SWT1: variants seen among roughly 807,000 people sequenced by gnomAD.
SWT1 encodes transcriptional protein SWT1.
Under a neutral mutation model 107.3 loss-of-function variants are expected in SWT1, and 33 were observed. The ratio of observed to expected loss-of-function variants is 0.31; its 90% CI spans 0.23 to 0.41. The LOEUF (loss-of-function observed/expected upper bound fraction) is 0.41, where lower values mean the gene tolerates loss of function less well. SWT1 is among the 10% of genes least tolerant of loss of function. The pLI, the probability that SWT1 is intolerant of heterozygous loss-of-function variation, is 1.00. For synonymous variants in SWT1, 345 were observed against 348.3 expected (o/e 0.99, Z 0.11); for missense variants, 898 against 1,028.9 (o/e 0.87, Z 1.74).
At position 185,174,911 on chromosome 1, in the gene SWT1, T is replaced by C; in HGVS notation, c.764T>C (p.Ile255Thr). 1 of 1,613,948 alleles carries C rather than the reference T, an allele frequency of 6.2e-7. No individual in the cohort carries two copies. The highest frequency in any genetic ancestry group is 8.5e-7 in the Non-Finnish European group (1 of 1,179,964). The change falls in exon 5 of 19, where the codon ATA (isoleucine) becomes ACA (threonine). Residue 255 changes from isoleucine to threonine, a missense_variant. Coordinates refer to ENST00000367500, the MANE Select transcript of SWT1 (RefSeq NM_017673.7). ...QKLVEENVFN[I>T]DSNNSKTKQE... is the part of the protein sequence containing the mutation. ...CTTGTAGAAGAAAATGTCTTCAACA[T>C]AGATTCTAATAATTCGAAGACTAAG...
intron 4 of SWT1, among the ~76,000 whole-genome samples, chr1:185,173,020 G>A (rs57188163): frequency 0.43 from 62,271 of 145,016 alleles, 14,747 homozygotes; most frequent in African/African-American, 0.65. Flanking sequence ...GTCCAGCCTG[G>A]CGACAAAGCG....
At chr1:185,253,829 G>T (rs1034480495) in intron 16 of SWT1, among the ~76,000 whole-genome samples, 1 of 151,488 alleles carries the variant, frequency 6.6e-6, no homozygotes, top group Admixed American at 6.6e-5. Context: ...AATAGGAGTG[G>T]TGAGAGAGGG....
chr1:185,262,748 A>G (rs956584504), intron 16 of SWT1, among the ~76,000 whole-genome samples: 3 of 149,774 alleles, frequency 2.0e-5, no homozygotes, highest in African/African-American at 2.5e-5. Flanking sequence ...TTCTGTGCAC[A>G]TGTATCCTTG....
At chr1:185,254,989 T>A in intron 16 of SWT1, among the ~76,000 whole-genome samples, 1 of 152,154 alleles carries the variant, frequency 6.6e-6, no homozygotes, top group Non-Finnish European at 1.5e-5. Context: ...GTCTTTGTTC[T>A]CGTTGGTTTC....
intron 13 of SWT1, among the ~76,000 whole-genome samples, chr1:185,212,170 A>C (rs995570972): frequency 6.6e-6 from 1 of 152,204 alleles, no homozygotes; most frequent in Non-Finnish European, 1.5e-5. Flanking sequence ...ACAAACCTGC[A>C]CATTGTGCAC....
intron 15 of SWT1, among the ~76,000 whole-genome samples, chr1:185,223,583 T>C (rs1458056255): frequency 6.6e-6 from 1 of 152,176 alleles, no homozygotes; most frequent in Non-Finnish European, 1.5e-5. Context: ...ATGTCAAGCA[T>C]TTTTTATATA....
At chr1:185,207,689 C>A (rs983854191) in intron 13 of SWT1, among the ~76,000 whole-genome samples, 2 of 151,966 alleles carry the variant, frequency 1.3e-5, no homozygotes, top group Admixed American at 6.6e-5. Flanking sequence ...ATTGCTTGAC[C>A]CCAGGAGTTC....
intron 16 of SWT1, chr1:185,263,375 A>G (rs1294152181): frequency 6.6e-6 from 1 of 152,202 alleles, no homozygotes; most frequent in Non-Finnish European, 1.5e-5. Context: ...AATTTCCTGA[A>G]TAATGAAGTT....
intron 16 of SWT1, among the ~76,000 whole-genome samples, chr1:185,237,490 G>T (rs1660972103): frequency 1.3e-5 from 2 of 152,064 alleles, no homozygotes; most frequent in Admixed American, 1.3e-4. Flanking sequence ...TCATAAGTGG[G>T]AATTTAACAG....
Position 185,184,249 on chromosome 1 carries a change from A to C in SWT1, c.1145A>C (p.Asn382Thr), listed in dbSNP as rs762206105. 7 of 1,501,600 alleles carry C rather than the reference A, an allele frequency of 4.7e-6. No individual in the cohort carries two copies. The East Asian group carries it at 1.4e-4, about 30-fold the overall frequency. The allele number at this position is 1,501,600 out of a possible 1,614,324, so 93.0% of individuals were successfully genotyped here. A position where few individuals can be genotyped will look rare whatever the true frequency, so the allele number is the denominator to read the frequency against. The change falls in exon 8 of 19, where the codon AAT becomes ACT. Residue 382 changes from asparagine (N) to threonine (T), a missense_variant. Transcript: ENST00000367500. ...ATTTGCTCTTTTTCTTTAGCAAATA[A>C]TACTTCAGACAGAAAGCTTCTAATT... is the stretch of plus-strand genomic sequence containing the variant. ...EDDVHSSSANNTSDRKLLIVI... is the reference protein window; with the variant it reads ...EDDVHSSSANTTSDRKLLIVI...
At chr1:185,274,100 G>A (rs1030945877) in intron 17 of SWT1, among the ~76,000 whole-genome samples, 3 of 151,940 alleles carry the variant, frequency 2.0e-5, no homozygotes, top group Non-Finnish European at 4.4e-5. Flanking sequence ...CTATTGCCAA[G>A]AGTATTAGAA....
intron 7 of SWT1, among the ~76,000 whole-genome samples, chr1:185,182,873 C>T (rs138344916): frequency 0.011 from 1,743 of 152,110 alleles, 25 homozygotes; most frequent in African/African-American, 0.04. Flanking sequence ...CGGTGGCTCA[C>T]GCCTGTAATC....
At chr1:185,160,755 A>T (rs1654072962) in intron 1 of SWT1, 78 bp from the exon 2 acceptor site, 6 of 1,011,920 alleles carry the variant, frequency 5.9e-6, no homozygotes, top group South Asian at 5.9e-5. Context: ...TCCAATCTTT[A>T]TATAACTGAA....
chr1:185,241,189 A>G (rs964014255), intron 16 of SWT1, among the ~76,000 whole-genome samples: 1 of 152,180 alleles, frequency 6.6e-6, no homozygotes, highest in Admixed American at 6.5e-5. Context: ...AATGTGTAGA[A>G]AATAAAGACC....
At chr1:185,183,257 T>G (rs1045715703) in intron 7 of SWT1, among the ~76,000 whole-genome samples, 5 of 152,178 alleles carry the variant, frequency 3.3e-5, no homozygotes, top group African/African-American at 1.2e-4. Flanking sequence ...GCTAGAATTA[T>G]TATGTTTTTT....
At chr1:185,208,742 CTT>C (rs11444869) in intron 13 of SWT1, among the ~76,000 whole-genome samples, 19 of 142,676 alleles carry the variant, frequency 1.3e-4, no homozygotes, top group East Asian at 2.0e-4. Context: ...CGATGAATAT[CTT>C]TTTTTTTTTT....
intron 16 of SWT1, among the ~76,000 whole-genome samples, chr1:185,266,154 G>C (rs564387907): frequency 3.9e-5 from 6 of 152,062 alleles, no homozygotes; most frequent in Non-Finnish European, 5.9e-5. Context: ...AGCTCCGCCT[G>C]CCGGGTTCAC....
intron 5 of SWT1, among the ~76,000 whole-genome samples, chr1:185,178,188 A>T (rs1341169584): frequency 1.3e-5 from 2 of 152,234 alleles, no homozygotes; most frequent in African/African-American, 4.8e-5. Context: ...TATGCTGTCC[A>T]GCTAGGGTAG....
At position 185,162,856 on chromosome 1, in the gene SWT1, C is replaced by T. The variant is rs558175711; in HGVS notation, c.84+1931C>T. On this transcript the variant is annotated intron_variant, in intron 2 of 18. Transcript: ENST00000367500. ...ATGTTAATTTAAAAATAGGCTCAGG[C>T]GGGAGGATCCCTTGAGCCCAGGAGT... is the stretch of plus-strand genomic sequence containing the variant. Among the ~76,000 whole-genome samples, 106 of 151,654 alleles carry T rather than the reference C, an allele frequency of 7.0e-4. 4 individuals are homozygous for T. The South Asian group carries it at 0.022, about 31-fold the overall frequency.
Sources: gnomAD v4.1 joint callset for allele counts (sites outside exome capture counted in the v4.1 genomes callset) on GRCh38, gnomAD v4.1.1 for gene constraint, MANE v1.5 for transcripts, NCBI Gene and HGNC (gene_info 2026-07-23, HGNC 2026-07-21) for gene names.